Variants in CEP131 observed in about 807,000 individuals in gnomAD.
CEP131 encodes the protein centrosomal protein of 131 kDa.
A neutral mutation model predicts 136.8 loss-of-function variants in CEP131; 99 were observed. The observed-to-expected ratio is 0.72, with a 90% CI of 0.62 to 0.86. CEP131 has a LOEUF of 0.86. Among genes scored for constraint, CEP131 ranks in the 40% least tolerant of loss-of-function variants. CEP131 has a pLI of 0.00. For missense variants in CEP131, 1,459 were observed against 1,463.0 expected (o/e 1.00, Z 0.04); for synonymous variants, 646 against 612.7 (o/e 1.05, Z -0.80).
chr17:81,222,628 C>T (rs2062413292), intron 1 of CEP131, 141 bp downstream of exon 1: 3 of 151,480 alleles, frequency 2.0e-5, no homozygotes, highest in Admixed American at 2.0e-4. Flanking sequence ...TGCGCGGGCA[C>T]CAGATCCCCC....
intron 1 of CEP131, among the ~76,000 whole-genome samples, chr17:81,221,808 C>T (rs886372866): frequency 5.3e-5 from 8 of 152,194 alleles, no homozygotes; most frequent in South Asian, 2.1e-4. Flanking sequence ...GAGAAGCTGG[C>T]GCCAGGGACC....
rs1358294449 is a variant in CEP131 at position 81,207,250 on chromosome 17, G to A, written c.273-11C>T. 1.2e-6 allele frequency: 2 copies of A among 1,611,514 alleles called. No individual in the cohort carries two copies. Among genetic ancestry groups the A allele is most frequent in the South Asian group, 2.2e-5 (2 of 90,994 alleles). On this transcript the variant is annotated splice_polypyrimidine_tract_variant and intron_variant, in intron 3 of 25. Transcript: ENST00000450824. ...GTGGGCTCCGTTGGCCTGCATCCGA[G>A]AGAGGGCGGCACACAAGGAAAGAGT...
rs1473506281 is a variant in CEP131 at position 81,215,864 on chromosome 17, A to G, written c.177+4016T>C. ...TACTATGATAAGGAAAATCCAGAGG[A>G]GCACTGGGTGAAGTTCTGGTGCATC... is the stretch of plus-strand genomic sequence containing the variant. On this transcript the variant is annotated intron_variant, in intron 2 of 25. Coordinates refer to ENST00000450824, the MANE Select transcript of CEP131 (RefSeq NM_014984.4). The surrounding 1 kb of genome is among the most constrained non-coding windows in gnomAD (Gnocchi z 4.1). 6.6e-6 allele frequency among the ~76,000 whole-genome samples: 1 copy of G among 152,236 alleles called. No homozygotes were observed. Among genetic ancestry groups the G allele is most frequent in the Non-Finnish European group, 1.5e-5 (1 of 68,034 alleles).
rs1308921502 is a variant in CEP131, at chr17:81,203,152, G to C, written c.629+342C>G. Among the ~76,000 whole-genome samples the C allele has an allele frequency of 1.3e-5, 2 of 152,104 alleles. No homozygotes were observed. Among genetic ancestry groups the C allele is most frequent in the Non-Finnish European group, 2.9e-5 (2 of 68,020 alleles). On this transcript the variant is annotated intron_variant, in intron 6 of 25. Transcript: ENST00000450824. The surrounding 1 kb of genome is among the most constrained non-coding windows in gnomAD (Gnocchi z 4.6). ...CCTTCTGGGCTCTGCACAAGCCTTG[G>C]CTTCCTCCTGGGGGCCCCACCTCAG...
At chr17:81,214,919 C>T (rs1567880642) in intron 2 of CEP131, among the ~76,000 whole-genome samples, 1 of 151,772 alleles carries the variant, frequency 6.6e-6, no homozygotes, top group Non-Finnish European at 1.5e-5. Context: ...ACTACAGGTG[C>T]CTGCCACCAC....
intron 16 of CEP131, 52 bp downstream of exon 16, chr17:81,195,783 C>A (rs576698721): frequency 2.0e-6 from 3 of 1,519,798 alleles, no homozygotes; most frequent in Non-Finnish European, 2.7e-6. Context: ...CCAGCTGAGC[C>A]TGGCCTGTGA....
intron 5 of CEP131, among the ~76,000 whole-genome samples, chr17:81,204,422 T>C (rs2061960237): frequency 6.6e-6 from 1 of 152,036 alleles, no homozygotes; most frequent in African/African-American, 2.4e-5. Context: ...GGTTTGTCTC[T>C]GGAGAGACTC....
At chr17:81,221,299 C>T (rs1442938339) in intron 1 of CEP131, among the ~76,000 whole-genome samples, 2 of 152,004 alleles carry the variant, frequency 1.3e-5, no homozygotes. Context: ...TGCTGGCTTC[C>T]TTACTTTGGA....
At chr17:81,220,453 C>T (rs2062362390) in intron 1 of CEP131, among the ~76,000 whole-genome samples, 1 of 152,116 alleles carries the variant, frequency 6.6e-6, no homozygotes, top group Non-Finnish European at 1.5e-5. Context: ...TGCCCCGAGC[C>T]CCACTGTTTT....
Position 81,204,752 on chromosome 17 carries a change from C to T in CEP131, c.516-1145G>A, listed in dbSNP as rs141184736. 6.7e-3 allele frequency among the ~76,000 whole-genome samples: 1,018 copies of T among 151,756 alleles called. 12 individuals are homozygous for T. The highest frequency in any genetic ancestry group is 0.024 in the African/African-American group (977 of 41,310). On this transcript the variant is annotated intron_variant, in intron 5 of 25. Coordinates refer to ENST00000450824, the MANE Select transcript of CEP131 (RefSeq NM_014984.4). ...CACCTGCACCGGACCACACCTGCAC[C>T]GGACCACACCTGCACCGGACCGCAC...
At position 81,194,112 on chromosome 17, in the gene CEP131, A is replaced by ATC; in HGVS notation, c.2133_2134dup (p.Ile712ArgfsTer5). On this transcript the variant is annotated frameshift_variant, in exon 18 of 26. Transcript: ENST00000450824. LOFTEE classifies it high-confidence loss of function. ...CTTGTGCCTTGCAATCAGCTTCTGG[A>ATC]TCTCGGGCTCCAGACCTGGGGGCGG... 1 of 1,541,236 alleles carries ATC rather than the reference A, an allele frequency of 6.5e-7. No homozygotes were observed. Among genetic ancestry groups the ATC allele is most frequent in the Non-Finnish European group, 8.7e-7 (1 of 1,145,488 alleles).
At chr17:81,213,604 T>C (rs2062181723) in intron 2 of CEP131, among the ~76,000 whole-genome samples, 1 of 151,376 alleles carries the variant, frequency 6.6e-6, no homozygotes, top group Admixed American at 6.6e-5. Context: ...ACAAATCTCC[T>C]GTGTAGAAGA....
At position 81,207,218 on chromosome 17, in the gene CEP131, G is replaced by C; in HGVS notation, c.294C>G (p.Phe98Leu). 1 of 1,613,544 alleles carries C rather than the reference G, an allele frequency of 6.2e-7. No individual in the cohort carries two copies. Among genetic ancestry groups the C allele is most frequent in the Non-Finnish European group, 8.5e-7 (1 of 1,179,962 alleles). ...TGGGGCTGCCCTCGAAGAGCATCAG[G>C]AAGTCTGTGGGCTCCGTTGGCCTGC... Reference protein sequence around the residue: ...GSPRPTEPTDFLMLFEGSPSG... With the variant: ...GSPRPTEPTDLLMLFEGSPSG... Residue 98 changes from phenylalanine to leucine, a missense_variant, in exon 4 of 26, where the codon TTC (phenylalanine) becomes TTG (leucine). Around this residue, in one of 3 missense-constraint regions of CEP131, gnomAD observed 187 missense variants for 179.9 expected, o/e 1.04. Transcript: ENST00000450824.
intron 13 of CEP131, 24 bp downstream of exon 13, chr17:81,197,688 G>C (rs770633934): frequency 6.3e-7 from 1 of 1,591,680 alleles, no homozygotes; most frequent in Admixed American, 1.7e-5. Context: ...ACTGGGGGCC[G>C]GGTGCGGGCT....
At chr17:81,196,654 T>C (rs1183767344) in intron 15 of CEP131, 47 bp downstream of exon 15, 7 of 1,573,068 alleles carry the variant, frequency 4.4e-6, no homozygotes, top group Non-Finnish European at 5.1e-6. Flanking sequence ...GAAGTCTCCA[T>C]GAGCCACGCG....
intron 17 of CEP131, 128 bp downstream of exon 17, chr17:81,194,741 AT>A: frequency 2.4e-6 from 2 of 829,394 alleles, no homozygotes; most frequent in Admixed American, 3.7e-5. Context: ...TGGTTGGGGC[AT>A]GAGTGTTCAC....
Position 81,208,734 on chromosome 17 carries a change from C to A in CEP131, c.272+194G>T, listed in dbSNP as rs1423438974. On this transcript the variant is annotated intron_variant, in intron 3 of 25. Coordinates refer to ENST00000450824, the MANE Select transcript of CEP131 (RefSeq NM_014984.4). This position sits in a 1 kb window ranked among gnomAD's most constrained non-coding sequence, Gnocchi z 5.6. The stretch of plus-strand genomic sequence containing the variant: ...GCAGGAGAGTGTCTGCCTCAGGCCT[C>A]CCGCCCCAATGCGAGAGGAGGCCTG... Among the ~76,000 whole-genome samples the A allele has an allele frequency of 6.6e-6, 1 of 152,056 alleles. No homozygotes were observed. The highest frequency in any genetic ancestry group is 1.5e-5 in the Non-Finnish European group (1 of 67,936).
chr17:81,200,032 T>A, intron 8 of CEP131, 197 bp from the exon 9 acceptor site: 1 of 625,460 alleles, frequency 1.6e-6, no homozygotes, highest in Non-Finnish European at 2.8e-6. Flanking sequence ...ACGTCGCAGG[T>A]GGCCAACAGT....
In CEP131 at chr17:81,196,829, G is replaced by A; in HGVS notation, c.1774-3C>T. 1 of 1,596,324 alleles carries A rather than the reference G, an allele frequency of 6.3e-7. No homozygotes were observed. The highest frequency in any genetic ancestry group is 8.5e-7 in the Non-Finnish European group (1 of 1,172,664). On this transcript the variant is annotated splice_polypyrimidine_tract_variant and splice_region_variant and intron_variant, in intron 14 of 25. Coordinates refer to ENST00000450824, the MANE Select transcript of CEP131 (RefSeq NM_014984.4). Reference sequence around the variant, plus strand: ...GCCGTGAGGTCTCGCTGCTGCGCCTGCAGGGTGTGGGCAGAGGAGGGAAGC... The same window carrying A: ...GCCGTGAGGTCTCGCTGCTGCGCCTACAGGGTGTGGGCAGAGGAGGGAAGC...
Sources: gnomAD v4.1 joint callset for allele counts (sites outside exome capture counted in the v4.1 genomes callset) on GRCh38, gnomAD v4.1.1 for gene constraint, gnomAD v4.1.1 regional missense constraint, Gnocchi (gnomAD v3.1) non-coding constraint, MANE v1.5 for transcripts, NCBI Gene and HGNC (gene_info 2026-07-23, HGNC 2026-07-21) for gene names.